Variants in HOOK3 observed in about 807,000 individuals in gnomAD.
The protein encoded by HOOK3 is protein Hook homolog 3.
A neutral mutation model predicts 116.3 loss-of-function variants in HOOK3; 24 were observed. That is an observed-to-expected ratio of 0.21 (90% CI 0.15 to 0.29). The LOEUF is 0.29. Ranked by LOEUF, HOOK3 falls within the 10% of genes least tolerant of loss-of-function variation. The pLI is 1.00. For missense variants in HOOK3, 632 were observed against 830.2 expected, an observed-to-expected ratio of 0.76 and a Z score of 2.93; for synonymous variants, 275 against 283.0, an observed-to-expected ratio of 0.97 and a Z score of 0.28.
intron 21 of HOOK3, 131 bp downstream of exon 21, chr8:43,013,531 A>G (rs779935331): frequency 5.9e-6 from 4 of 678,768 alleles, no homozygotes; most frequent in Non-Finnish European, 9.1e-6. Context: ...ATACACTAAC[A>G]GAATCTTAAT....
intron 14 of HOOK3, among the ~76,000 whole-genome samples, chr8:42,983,080 A>G (rs1376724087): frequency 1.3e-5 from 2 of 152,210 alleles, no homozygotes; most frequent in East Asian, 1.9e-4. Flanking sequence ...CACGCCTGCA[A>G]TCCCAGCACT....
At chr8:42,990,124 T>C in intron 15 of HOOK3, among the ~76,000 whole-genome samples, 1 of 151,884 alleles carries the variant, frequency 6.6e-6, no homozygotes, top group African/African-American at 2.4e-5. Context: ...AGCCTCTAAG[T>C]AGCTGGAACT....
rs77961073 is a variant in HOOK3, at chr8:43,024,767, T to C, written c.*6269T>C. The C allele has an allele frequency of 0.028, 5,613 of 198,728 alleles. 320 individuals are homozygous for C. Among genetic ancestry groups the C allele is most frequent in the African/African-American group, 0.12 (5,165 of 43,522 alleles). The allele number at this position is 198,728 out of a possible 1,614,324, so 12.3% of individuals were successfully genotyped here. ...TCTAAAGTTTTGCAGCAAATGCTGT[T>C]CAGTTCCCAGAAGCCTAAAAAACAT... On this transcript the variant is annotated 3_prime_UTR_variant, in exon 22 of 22. Transcript: ENST00000307602.
At chr8:42,917,376 C>T (rs1446438862) in intron 2 of HOOK3, among the ~76,000 whole-genome samples, 5 of 152,166 alleles carry the variant, frequency 3.3e-5, no homozygotes, top group African/African-American at 4.8e-5. Context: ...GCTCAGTCTC[C>T]GGTACCTCTC....
rs369521814 is a variant in HOOK3 at position 43,011,229 on chromosome 8, G to A, written c.1839+824G>A. 4.9e-4 allele frequency among the ~76,000 whole-genome samples: 75 copies of A among 152,088 alleles called. 1 individual carries two copies. The East Asian group carries it at 0.014, about 28-fold the overall frequency. ...AGGATGGGCTTGATCTCCTGACCTC[G>A]TGATCCGCCCGCCTCGGCCTCCCAA... On this transcript the variant is annotated intron_variant, in intron 19 of 21. Transcript: ENST00000307602.
At chr8:43,009,030 G>A (rs1809552046) in intron 18 of HOOK3, among the ~76,000 whole-genome samples, 1 of 152,080 alleles carries the variant, frequency 6.6e-6, no homozygotes, top group South Asian at 2.1e-4. Context: ...TAGCAATTTG[G>A]CAGGCCAAGG....
chr8:42,897,084 G>A lies in HOOK3; in HGVS notation c.-48G>A. The A allele has an allele frequency of 2.4e-6, 3 of 1,230,702 alleles. No individual in the cohort carries two copies. Among genetic ancestry groups the A allele is most frequent in the Non-Finnish European group, 3.1e-6 (3 of 979,660 alleles). The allele number at this position is 1,230,702 out of a possible 1,614,324, so 76.2% of individuals were successfully genotyped here. A position where few individuals can be genotyped will look rare whatever the true frequency, so the allele number is the denominator to read the frequency against. ...CCCCCGGATCCCCCGACAGAGCGGC[G>A]GCGGTGTCTGGCCAGGCGGTAGGCG... On this transcript the variant is annotated 5_prime_UTR_variant, in exon 1 of 22. Transcript: ENST00000307602.
At chr8:42,938,697 CT>C (rs891303465) in intron 4 of HOOK3, among the ~76,000 whole-genome samples, 22 of 142,504 alleles carry the variant, frequency 1.5e-4, no homozygotes, top group Non-Finnish European at 2.1e-4. Flanking sequence ...AAATGCTTTT[CT>C]TTTATTTATT....
intron 8 of HOOK3, among the ~76,000 whole-genome samples, chr8:42,961,705 G>A (rs1298862144): frequency 6.6e-6 from 1 of 152,196 alleles, no homozygotes; most frequent in East Asian, 1.9e-4. Context: ...AATATTCTCT[G>A]GAGAGTGGGA....
At chr8:42,909,445 A>G (rs1211161009) in intron 2 of HOOK3, among the ~76,000 whole-genome samples, 1 of 152,230 alleles carries the variant, frequency 6.6e-6, no homozygotes, top group Non-Finnish European at 1.5e-5. Flanking sequence ...ATATGTACAC[A>G]ATGAAATACT....
intron 2 of HOOK3, among the ~76,000 whole-genome samples, chr8:42,911,921 G>A (rs892551458): frequency 1.3e-5 from 2 of 152,192 alleles, no homozygotes; most frequent in African/African-American, 4.8e-5. Flanking sequence ...ATGTGAAGTT[G>A]ACAGTCTAGA....
intron 6 of HOOK3, among the ~76,000 whole-genome samples, chr8:42,953,605 G>C (rs1808382365): frequency 6.6e-6 from 1 of 151,530 alleles, no homozygotes; most frequent in Non-Finnish European, 1.5e-5. Context: ...CATAATAGTA[G>C]TCATAACAAG....
intron 1 of HOOK3, among the ~76,000 whole-genome samples, chr8:42,901,816 A>G (rs962035894): frequency 3.9e-5 from 6 of 152,072 alleles, no homozygotes; most frequent in Admixed American, 1.3e-4. Flanking sequence ...GGTTCAAGCA[A>G]TTCTGCCTCA....
At chr8:42,920,308 A>T (rs1164020619) in intron 2 of HOOK3, among the ~76,000 whole-genome samples, 1 of 152,234 alleles carries the variant, frequency 6.6e-6, no homozygotes, top group Non-Finnish European at 1.5e-5. Context: ...AGGGGTCTTT[A>T]GAAAACATTA....
chr8:42,961,012 A>G (rs984642503), intron 8 of HOOK3, among the ~76,000 whole-genome samples: 1 of 152,320 alleles, frequency 6.6e-6, no homozygotes, highest in African/African-American at 2.4e-5. Context: ...TCATGGCAGA[A>G]GGCAAAGGGG....
At chr8:42,990,291 C>T (rs1466276846) in intron 15 of HOOK3, among the ~76,000 whole-genome samples, 1 of 142,042 alleles carries the variant, frequency 7.0e-6, no homozygotes, top group Non-Finnish European at 1.5e-5. Flanking sequence ...CCACCATATC[C>T]AGCCTCTTTT....
At chr8:42,899,818 G>T (rs1807147573) in intron 1 of HOOK3, among the ~76,000 whole-genome samples, 1 of 152,188 alleles carries the variant, frequency 6.6e-6, no homozygotes, top group Non-Finnish European at 1.5e-5. Flanking sequence ...CCGTCTTTGG[G>T]ATGACAGCCT....
At chr8:42,986,899 G>A (rs1181141995) in intron 15 of HOOK3, 104 bp downstream of exon 15, 20 of 1,238,282 alleles carry the variant, frequency 1.6e-5, no homozygotes, top group Non-Finnish European at 2.2e-5. Flanking sequence ...GCTCACGCCT[G>A]TAATCCCAGC....
At position 42,897,015 on chromosome 8, in the gene HOOK3, G is replaced by C. The variant is rs1806991578; in HGVS notation, c.-117G>C. 1.4e-6 allele frequency: 1 copy of C among 708,348 alleles called. No individual in the cohort carries two copies. The highest frequency in any genetic ancestry group is 1.8e-5 in the African/African-American group (1 of 54,330). 43.9% of individuals were successfully genotyped at this position (708,348 alleles called of 1,614,324 possible). A position where few individuals can be genotyped will look rare whatever the true frequency, so the allele number is the denominator to read the frequency against. Reference sequence around the variant, plus strand: ...AGCGCTGGGCGAGAGTCGGCGGCCGGATCCGAGGAGCAGGCGGGCCTGAGG... The same window carrying C: ...AGCGCTGGGCGAGAGTCGGCGGCCGCATCCGAGGAGCAGGCGGGCCTGAGG... On this transcript the variant is annotated 5_prime_UTR_variant, in exon 1 of 22. Transcript: ENST00000307602.
Sources: gnomAD v4.1 joint callset for allele counts (sites outside exome capture counted in the v4.1 genomes callset) on GRCh38, gnomAD v4.1.1 for gene constraint, MANE v1.5 for transcripts, NCBI Gene and HGNC (gene_info 2026-07-23, HGNC 2026-07-21) for gene names.